Variants in NUP205 observed in about 807,000 individuals in gnomAD.
NUP205 encodes nucleoporin 205, also known as nuclear pore complex protein Nup205.
A neutral mutation model predicts 253.8 loss-of-function variants in NUP205; 76 were observed. The observed-to-expected ratio is 0.30, with a 90% CI of 0.25 to 0.36. NUP205 has a LOEUF of 0.36. NUP205 is among the 10% of genes least tolerant of loss of function. The pLI, the probability that NUP205 is intolerant of heterozygous loss-of-function variation, is 1.00. For synonymous variants in NUP205, 832 were observed against 850.1 expected (o/e 0.98, Z 0.37); for missense variants, 2,162 against 2,425.5 (o/e 0.89, Z 2.28).
Position 135,571,172 on chromosome 7 carries a change from A to G in NUP205, c.96A>G (p.Gln32=), listed in dbSNP as rs1337777364. ...HKVGNALWRR[Q]PEAVHLLDKI... ...TGGGAAATGCTCTTTGGAGAAGACA[A>G]CCTGAAGCTGTTCACCTTCTTGATA... is the stretch of plus-strand genomic sequence containing the variant. Residue 32 remains glutamine, a synonymous_variant, in exon 2 of 43, where the codon CAA becomes CAG. Coordinates refer to ENST00000285968, the MANE Select transcript of NUP205 (RefSeq NM_015135.3). 2.6e-6 allele frequency: 4 copies of G among 1,526,414 alleles called. No homozygotes were observed. Among genetic ancestry groups the G allele is most frequent in the Middle Eastern group, 1.7e-4 (1 of 5,730 alleles). The allele number at this position is 1,526,414 out of a possible 1,614,324, so 94.6% of individuals were successfully genotyped here.
chr7:135,581,406 G>A (rs1806299760), intron 7 of NUP205, among the ~76,000 whole-genome samples: 1 of 152,084 alleles, frequency 6.6e-6, no homozygotes, highest in South Asian at 2.1e-4. Flanking sequence ...AGCCCAGTGT[G>A]GTGACATGCC....
intron 39 of NUP205, 34 bp from the exon 40 acceptor site, chr7:135,644,861 G>A (rs1419657140): frequency 1.9e-6 from 3 of 1,604,236 alleles, no homozygotes; most frequent in South Asian, 1.1e-5. Flanking sequence ...CATTCCAGTT[G>A]ATGTCATTCT....
chr7:135,639,268 G>C (rs1348427226), intron 38 of NUP205, among the ~76,000 whole-genome samples: 1 of 152,028 alleles, frequency 6.6e-6, no homozygotes, highest in African/African-American at 2.4e-5. Flanking sequence ...GGAAGTCTTT[G>C]TTTGAGATCT....
chr7:135,570,682 A>ATATTAATATATTAATTATATTTATAT (rs1563109886), intron 1 of NUP205, among the ~76,000 whole-genome samples: 1 of 87,058 alleles, frequency 1.1e-5, no homozygotes, highest in Non-Finnish European at 2.2e-5. Flanking sequence ...AATATATATT[A>ATATTAATATATTAATTATATTTATAT]ATTATATTAA....
intron 39 of NUP205, among the ~76,000 whole-genome samples, chr7:135,643,888 A>C (rs781735120): frequency 1.3e-5 from 2 of 152,196 alleles, no homozygotes; most frequent in Non-Finnish European, 2.9e-5. Context: ...GCTGAATGTA[A>C]GGCATCTCTT....
At chr7:135,637,090 C>T (rs928184450) in intron 36 of NUP205, among the ~76,000 whole-genome samples, 1 of 152,282 alleles carries the variant, frequency 6.6e-6, no homozygotes, top group South Asian at 2.1e-4. Flanking sequence ...TATTGTATTA[C>T]CAATTTTTAA....
At chr7:135,600,537 GAA>G (rs2129490516) in intron 15 of NUP205, among the ~76,000 whole-genome samples, 1 of 152,268 alleles carries the variant, frequency 6.6e-6, no homozygotes, top group African/African-American at 2.4e-5. Context: ...TTTGGCACTT[GAA>G]AAGTGTCCAA....
intron 37 of NUP205, 65 bp from the exon 38 acceptor site, chr7:135,638,492 C>T (rs900686732): frequency 5.6e-6 from 8 of 1,434,520 alleles, no homozygotes; most frequent in East Asian, 2.3e-5. Context: ...CTTCAAATCT[C>T]GATTTTCATG....
rs751357266 is a variant in NUP205, at chr7:135,594,765, A to G, written c.2013+36A>G. 1.1e-5 allele frequency: 16 copies of G among 1,516,736 alleles called. No individual in the cohort carries two copies. In the South Asian group the frequency reaches 1.1e-4, roughly 11 times the overall value. 94.0% of individuals were successfully genotyped at this position (1,516,736 alleles called of 1,614,324 possible). ...GAAGTCCCTTATTTATATTATCCCA[A>G]TGTGGAAAGTTGGGCTTGATAATAC... On this transcript the variant is annotated intron_variant, in intron 13 of 42. Transcript: ENST00000285968.
chr7:135,618,626 T>TCC, intron 28 of NUP205, 23 bp downstream of exon 28: 1 of 1,526,352 alleles, frequency 6.6e-7, no homozygotes, highest in Admixed American at 2.0e-5. Context: ...CTAAAATACT[T>TCC]TATACTGCTG....
chr7:135,593,547 TAA>T (rs752358966), intron 12 of NUP205, among the ~76,000 whole-genome samples: 1 of 152,204 alleles, frequency 6.6e-6, no homozygotes, highest in Non-Finnish European at 1.5e-5. Flanking sequence ...ATATTGTAAT[TAA>T]AAGTCATTTA....
chr7:135,646,410 T>C (rs1795011952), intron 42 of NUP205, among the ~76,000 whole-genome samples, 179 bp downstream of exon 42: 1 of 151,228 alleles, frequency 6.6e-6, no homozygotes, highest in Non-Finnish European at 1.5e-5. Flanking sequence ...AAAAAAAAAA[T>C]TGGCATACTG....
chr7:135,566,525 CAGG>C (rs1358972229), intron 1 of NUP205, among the ~76,000 whole-genome samples: 1 of 152,124 alleles, frequency 6.6e-6, no homozygotes, highest in Non-Finnish European at 1.5e-5. Flanking sequence ...GGGACTAAAG[CAGG>C]AGAAGCAAAG....
chr7:135,603,407 C>T (rs558297113), intron 18 of NUP205, among the ~76,000 whole-genome samples: 1 of 151,982 alleles, frequency 6.6e-6, no homozygotes, highest in African/African-American at 2.4e-5. Flanking sequence ...ACCACCGCGC[C>T]CAGCCTTATT....
At chr7:135,622,697 T>G in intron 30 of NUP205, 80 bp from the exon 31 acceptor site, 1 of 1,242,826 alleles carries the variant, frequency 8.0e-7, no homozygotes, top group Non-Finnish European at 1.1e-6. Context: ...CCTTAGCTCA[T>G]ACCTAGCATG....
At chr7:135,636,492 A>G (rs1410436731) in intron 36 of NUP205, among the ~76,000 whole-genome samples, 1 of 152,142 alleles carries the variant, frequency 6.6e-6, no homozygotes, top group African/African-American at 2.4e-5. Context: ...TCTCACCCAC[A>G]AAACCCAAAT....
In NUP205 at chr7:135,638,558, T is replaced by G. The variant is rs762417113; in HGVS notation, c.5267T>G (p.Ile1756Ser). ...TTTGTTACTGTTTTTTGATTATAGA[T>G]TTGTGCCAATGTAATGGAATATTGC... ...KDEIELAMQQ[I>S]CANVMEYCQS... Residue 1756 changes from isoleucine to serine, a missense_variant and splice_region_variant, in exon 38 of 43, where the codon ATT (isoleucine) becomes AGT (serine). Coordinates refer to ENST00000285968, the MANE Select transcript of NUP205 (RefSeq NM_015135.3). The G allele has an allele frequency of 6.2e-7, 1 of 1,613,600 alleles. No individual in the cohort carries two copies. The highest frequency in any genetic ancestry group is 8.5e-7 in the Non-Finnish European group (1 of 1,179,790).
At position 135,645,006 on chromosome 7, in the gene NUP205, T is replaced by C. The variant is rs1794980132; in HGVS notation, c.5671T>C (p.Ser1891Pro). ...GATCAACAATCGAGCTAAACTGCTT[T>C]CCCTTTGTTCTTGTATCCTTTATGA... ...KVINNRAKLLSLCSFIIETCL... is the reference protein window; with the variant it reads ...KVINNRAKLLPLCSFIIETCL... Residue 1891 changes from serine (S) to proline (P), a missense_variant, in exon 40 of 43, where the codon TCC (serine) becomes CCC (proline). Ser to Pro is a moderately conservative substitution (Grantham distance 74). Transcript: ENST00000285968. The C allele has an allele frequency of 6.2e-7, 1 of 1,614,014 alleles. No individual in the cohort carries two copies. Among genetic ancestry groups the C allele is most frequent in the Non-Finnish European group, 8.5e-7 (1 of 1,180,012 alleles).
chr7:135,620,794 G>A (rs1456753979), intron 30 of NUP205, among the ~76,000 whole-genome samples: 1 of 152,060 alleles, frequency 6.6e-6, no homozygotes, highest in Non-Finnish European at 1.5e-5. Flanking sequence ...GTATCTTTTT[G>A]TACTAGTGAG....
Sources: gnomAD v4.1 joint callset for allele counts (sites outside exome capture counted in the v4.1 genomes callset) on GRCh38, gnomAD v4.1.1 for gene constraint, MANE v1.5 for transcripts, NCBI Gene and HGNC (gene_info 2026-07-23, HGNC 2026-07-21) for gene names.